Variants in ARHGAP22 observed in about 807,000 individuals in gnomAD.
ARHGAP22 encodes the protein Rho GTPase activating protein 22, also known as rho GTPase-activating protein 22.
ARHGAP22 carries 48 observed loss-of-function variants against 59.1 expected under a neutral mutation model. The ratio of observed to expected loss-of-function variants is 0.81; its 90% CI spans 0.64 to 1.03. The LOEUF is 1.03. ARHGAP22 is among the 50% of genes least tolerant of loss of function. ARHGAP22 has a pLI of 0.00. For missense variants in ARHGAP22, 1,015 were observed against 958.7 expected (o/e 1.06, Z -0.78); for synonymous variants, 445 against 416.4 (o/e 1.07, Z -0.84).
Position 48,446,580 on chromosome 10 carries a change from G to C in ARHGAP22, c.1908C>G (p.Ser636=), listed in dbSNP as rs1007686008. 1.2e-6 allele frequency: 2 copies of C among 1,614,118 alleles called. No individual in the cohort carries two copies. Among genetic ancestry groups the C allele is most frequent in the Admixed American group, 3.3e-5 (2 of 60,004 alleles). ...CCTGGTCCAGTTCTTCTTCTAACCG[G>C]GACATTCGTTTTCTCAGGTCAGCAC... ...EGSADLRKRM[S]RLEEELDQEK... The change falls in exon 10 of 10, where the codon TCC becomes TCG. Residue 636 remains serine (S), a synonymous_variant. Transcript: ENST00000249601.
intron 1 of ARHGAP22, among the ~76,000 whole-genome samples, chr10:48,615,046 G>A (rs2061027710): frequency 6.6e-6 from 1 of 152,176 alleles, no homozygotes; most frequent in African/African-American, 2.4e-5. Context: ...TAAAGCTCTG[G>A]AGAAAAGGCT....
intron 6 of ARHGAP22, among the ~76,000 whole-genome samples, chr10:48,454,473 A>C (rs944631792): frequency 1.3e-5 from 2 of 152,090 alleles, no homozygotes; most frequent in African/African-American, 4.8e-5. Flanking sequence ...GTGAGCCCTC[A>C]TCTCCCACAT....
chr10:48,577,466 C>G (rs2058792718), intron 2 of ARHGAP22, among the ~76,000 whole-genome samples: 2 of 152,120 alleles, frequency 1.3e-5, no homozygotes, highest in African/African-American at 4.8e-5. Context: ...ACAGGAGGGT[C>G]CACCTCCGCC....
intron 1 of ARHGAP22, among the ~76,000 whole-genome samples, chr10:48,638,637 T>C (rs1486135867): frequency 6.6e-6 from 1 of 152,158 alleles, no homozygotes; most frequent in African/African-American, 2.4e-5. Context: ...TGACCACCAT[T>C]AGTCCCATCT....
chr10:48,493,559 C>T lies in ARHGAP22; in HGVS notation c.323-13795G>A. 3.3e-6 allele frequency: 5 copies of T among 1,518,004 alleles called. No homozygotes were observed. In the South Asian group the frequency reaches 4.9e-5, roughly 15 times the overall value. 94.0% of individuals were successfully genotyped at this position (1,518,004 alleles called of 1,614,324 possible). ...ACACACCTGTTGGGGTGCAGAAAAC[C>T]ACCAGGTGCACGAGGCACTCCTCCA... On this transcript the variant is annotated intron_variant, in intron 3 of 9. Coordinates refer to ENST00000249601, the MANE Select transcript of ARHGAP22 (RefSeq NM_021226.4).
intron 3 of ARHGAP22, among the ~76,000 whole-genome samples, chr10:48,539,290 C>CTTTTTTTTTTTTTTTTTTTTTTTTTTTTT (rs553835954): frequency 7.7e-6 from 1 of 129,310 alleles, no homozygotes; most frequent in African/African-American, 3.1e-5. Context: ...AGAAGGGTAA[C>CTTTTTTTTTTTTTTTTTTTTTTTTTTTTT]ATTTTTTTTT....
At chr10:48,612,941 C>T (rs544222683) in intron 1 of ARHGAP22, among the ~76,000 whole-genome samples, 3 of 152,344 alleles carry the variant, frequency 2.0e-5, no homozygotes, top group Admixed American at 6.5e-5. Flanking sequence ...AACCACAGGT[C>T]GTCCTTCAAA....
chr10:48,605,236 A>G, upstream of ARHGAP22: 1 of 874,684 alleles, frequency 1.1e-6, no homozygotes, highest in Non-Finnish European at 1.4e-6. Context: ...TCCTTTGCTG[A>G]GGCTGGAAGA....
intron 3 of ARHGAP22, among the ~76,000 whole-genome samples, chr10:48,502,242 T>C (rs552350732): frequency 1.3e-5 from 2 of 152,276 alleles, no homozygotes; most frequent in South Asian, 2.1e-4. Flanking sequence ...TGCTGGGGCT[T>C]TTAGGGGATC....
chr10:48,541,479 C>T (rs1025951950), intron 3 of ARHGAP22, among the ~76,000 whole-genome samples: 2 of 152,212 alleles, frequency 1.3e-5, no homozygotes, highest in East Asian at 1.9e-4. Flanking sequence ...CAGCACCAGC[C>T]TGATCTTCTT....
intron 2 of ARHGAP22, among the ~76,000 whole-genome samples, chr10:48,571,398 T>A (rs567249301): frequency 6.6e-6 from 1 of 152,364 alleles, no homozygotes; most frequent in Non-Finnish European, 1.5e-5. Context: ...CCTATGGACA[T>A]GAGTTTGGAC....
chr10:48,501,763 G>A (rs2051547930), intron 3 of ARHGAP22, among the ~76,000 whole-genome samples: 2 of 151,894 alleles, frequency 1.3e-5, no homozygotes, highest in Admixed American at 6.6e-5. Context: ...AGAAGGTGGT[G>A]AAACTGTGTG....
chr10:48,453,625 C>T lies in ARHGAP22; in HGVS notation c.867-200G>A, dbSNP rs531216016. 5.9e-5 allele frequency among the ~76,000 whole-genome samples: 9 copies of T among 152,312 alleles called. No homozygotes were observed. In the South Asian group the frequency reaches 1.9e-3, roughly 32 times the overall value. ...CAAGAGGGCCATCAGAAGTAAAAGT[C>T]ACTGGGACAAGGGCCCACCGCTATT... On this transcript the variant is annotated intron_variant, in intron 7 of 9. Transcript: ENST00000249601.
At position 48,644,055 on chromosome 10, in the gene ARHGAP22, G is replaced by C. The variant is rs528270862; in HGVS notation, c.52+8179C>G. ...CCAGCTACGTGGGAGGCTGAGGCAG[G>C]AGAATCGCTTGAACCTGGGAGGCAG... On this transcript the variant is annotated intron_variant, in intron 1 of 9. Transcript: ENST00000435790. Among the ~76,000 whole-genome samples the C allele has an allele frequency of 1.1e-4, 17 of 152,302 alleles. No homozygotes were observed. The South Asian group carries it at 3.5e-3, about 32-fold the overall frequency.
At chr10:48,609,746 T>C (rs1172537944), upstream of ARHGAP22, among the ~76,000 whole-genome samples, 1 of 152,124 alleles carries the variant, frequency 6.6e-6, no homozygotes, top group Non-Finnish European at 1.5e-5. Context: ...ACATTTCCCA[T>C]TTCTTCCATG....
chr10:48,465,787 C>T (rs1465998455), intron 4 of ARHGAP22, among the ~76,000 whole-genome samples: 3 of 152,328 alleles, frequency 2.0e-5, no homozygotes, highest in South Asian at 2.1e-4. Flanking sequence ...GACTCCCAAA[C>T]TTTGGGTAAT....
chr10:48,503,638 G>A (rs1259655102), intron 3 of ARHGAP22, among the ~76,000 whole-genome samples: 2 of 152,224 alleles, frequency 1.3e-5, no homozygotes, highest in Admixed American at 6.5e-5. Flanking sequence ...CCATGGTGCC[G>A]GGAGAAGCCC....
At chr10:48,481,393 T>C (rs1299951506) in intron 3 of ARHGAP22, among the ~76,000 whole-genome samples, 1 of 152,060 alleles carries the variant, frequency 6.6e-6, no homozygotes, top group Non-Finnish European at 1.5e-5. Flanking sequence ...TAGAAAAATA[T>C]CTCAAGATGA....
Position 48,454,553 on chromosome 10 carries a change from G to A in ARHGAP22, c.793-392C>T, listed in dbSNP as rs543741124. On this transcript the variant is annotated intron_variant, in intron 6 of 9. Coordinates refer to ENST00000249601, the MANE Select transcript of ARHGAP22 (RefSeq NM_021226.4). The stretch of plus-strand genomic sequence containing the variant: ...TGGGGCTGCAGACCAGCACCTGCAC[G>A]GGTGGGGACGGGAGGGCTGGCTCAT... Among the ~76,000 whole-genome samples, 34 of 152,280 alleles carry A rather than the reference G, an allele frequency of 2.2e-4. No individual in the cohort carries two copies. The East Asian group carries it at 3.9e-3, about 17-fold the overall frequency.
Sources: allele counts gnomAD v4.1 joint callset (sites outside exome capture counted in the v4.1 genomes callset), GRCh38; gene constraint gnomAD v4.1.1; transcripts MANE v1.5; gene names NCBI Gene and HGNC (gene_info 2026-07-23, HGNC 2026-07-21).